Variants in C11orf58 observed in about 807,000 individuals in gnomAD.
C11orf58 encodes the protein small acidic protein.
Under a neutral mutation model 22.7 loss-of-function variants are expected in C11orf58, and 5 were observed. The observed-to-expected ratio is 0.22, with a 90% confidence interval of 0.12 to 0.46. The LOEUF (loss-of-function observed/expected upper bound fraction) is 0.46, where lower values mean the gene tolerates loss of function less well. C11orf58 is among the 20% of genes least tolerant of loss of function. C11orf58 has a pLI of 0.99. For missense variants in C11orf58, 151 were observed against 223.3 expected (o/e 0.68, Z 2.06); for synonymous variants, 71 against 70.7 (o/e 1.00, Z -0.02).
At chr11:16,754,759 T>C in intron 4 of C11orf58, 112 bp from the exon 5 acceptor site, 1 of 1,502,032 alleles carries the variant, frequency 6.7e-7, no homozygotes, top group Non-Finnish European at 8.9e-7. Flanking sequence ...AAGCTGTTGT[T>C]CTAATGGCTA....
At position 16,757,099 on chromosome 11, in the gene C11orf58, G is replaced by T. The variant is rs1052223190; in HGVS notation, c.*1995G>T. 6.7e-5 allele frequency among the ~76,000 whole-genome samples: 10 copies of T among 149,060 alleles called. No homozygotes were observed. The highest frequency in any genetic ancestry group is 3.4e-3 in the Middle Eastern group (1 of 292). On this transcript the variant is annotated 3_prime_UTR_variant, in exon 5 of 5. Coordinates refer to ENST00000228136, the MANE Select transcript of C11orf58 (RefSeq NM_014267.6). Reference sequence around the variant, plus strand: ...ATGCTATCCTCTATAGTAAAATATTGAATCACTTTATAGTAGACAATACAT... The same window carrying T: ...ATGCTATCCTCTATAGTAAAATATTTAATCACTTTATAGTAGACAATACAT...
chr11:16,752,780 T>C lies in C11orf58; in HGVS notation c.209-5T>C. On this transcript the variant is annotated splice_region_variant and splice_polypyrimidine_tract_variant and intron_variant, in intron 3 of 4. Coordinates refer to ENST00000228136, the MANE Select transcript of C11orf58 (RefSeq NM_014267.6). The stretch of plus-strand genomic sequence containing the variant: ...AAACATAACTAAAGTATCCTGGACA[T>C]GCAGGGGAAGAAGACAAGAAAATTA... 1 of 1,589,910 alleles carries C rather than the reference T, an allele frequency of 6.3e-7. No homozygotes were observed. The highest frequency in any genetic ancestry group is 8.6e-7 in the Non-Finnish European group (1 of 1,161,508).
Position 16,739,297 on chromosome 11 carries a change from A to G in C11orf58, c.63+456A>G, listed in dbSNP as rs576165502. On this transcript the variant is annotated intron_variant, in intron 1 of 4. Coordinates refer to ENST00000228136, the MANE Select transcript of C11orf58 (RefSeq NM_014267.6). ...GGATGATTTTTACAATGTGCTGTTG[A>G]GAGTTAACTTTAGCTGCACTAGTAA... is the stretch of plus-strand genomic sequence containing the variant. Among the ~76,000 whole-genome samples, 4 of 152,284 alleles carry G rather than the reference A, an allele frequency of 2.6e-5. No individual in the cohort carries two copies. The East Asian group carries it at 7.7e-4, about 29-fold the overall frequency.
chr11:16,756,574 G>GTGT lies in C11orf58; in HGVS notation c.*1473_*1475dup, dbSNP rs561226500. 2.6e-4 allele frequency among the ~76,000 whole-genome samples: 39 copies of GTGT among 151,380 alleles called. No homozygotes were observed. Among genetic ancestry groups the GTGT allele is most frequent in the African/African-American group, 8.9e-4 (37 of 41,362 alleles). ...GTGAGCCACCACGCCCAGCCTTGGA[G>GTGT]TGTTGGAATTTTTAAAAATTATTCT... is the stretch of plus-strand genomic sequence containing the variant. On this transcript the variant is annotated 3_prime_UTR_variant, in exon 5 of 5. Coordinates refer to ENST00000228136, the MANE Select transcript of C11orf58 (RefSeq NM_014267.6).
In C11orf58 at chr11:16,756,194, T is replaced by C. The variant is rs1322374772; in HGVS notation, c.*1090T>C. 3 of 152,154 alleles carry C rather than the reference T, an allele frequency of 2.0e-5. No individual in the cohort carries two copies. The highest frequency in any genetic ancestry group is 4.4e-5 in the Non-Finnish European group (3 of 68,026). The allele number at this position is 152,154 out of a possible 1,614,324, so 9.4% of individuals were successfully genotyped here. A position where few individuals can be genotyped will look rare whatever the true frequency, so the allele number is the denominator to read the frequency against. Reference sequence around the variant, plus strand: ...TTATAAGTAACAAGTTCAAAGGCTTTAGTCACACCTGTTTGTGAGCTGAGC... The same window carrying C: ...TTATAAGTAACAAGTTCAAAGGCTTCAGTCACACCTGTTTGTGAGCTGAGC... On this transcript the variant is annotated 3_prime_UTR_variant, in exon 5 of 5. Coordinates refer to ENST00000228136, the MANE Select transcript of C11orf58 (RefSeq NM_014267.6).
chr11:16,739,029 A>G (rs1383074129), intron 1 of C11orf58, among the ~76,000 whole-genome samples, 188 bp downstream of exon 1: 1 of 152,108 alleles, frequency 6.6e-6, no homozygotes, highest in African/African-American at 2.4e-5. Context: ...GAAGAGGCCC[A>G]CACGCTGAGA....
At position 16,756,000 on chromosome 11, in the gene C11orf58, GATTA is replaced by G. The variant is rs1483975127; in HGVS notation, c.*901_*904del. ...CATTTTATCCCAGTGCTATTTTATT[GATTA>G]ATTACTAAAAAGTATTACTTTCTAA... is the stretch of plus-strand genomic sequence containing the variant. On this transcript the variant is annotated 3_prime_UTR_variant, in exon 5 of 5. Coordinates refer to ENST00000228136, the MANE Select transcript of C11orf58 (RefSeq NM_014267.6). The G allele has an allele frequency of 6.6e-6, 1 of 152,470 alleles. No individual in the cohort carries two copies. Among genetic ancestry groups the G allele is most frequent in the Non-Finnish European group, 1.5e-5 (1 of 67,980 alleles). The allele number at this position is 152,470 out of a possible 1,614,324, so 9.4% of individuals were successfully genotyped here.
At position 16,753,230 on chromosome 11, in the gene C11orf58, A is replaced by T. The variant is rs188887669; in HGVS notation, c.318+336A>T. Among the ~76,000 whole-genome samples, 193 of 150,884 alleles carry T rather than the reference A, an allele frequency of 1.3e-3. 1 individual carries two copies. Among genetic ancestry groups the T allele is most frequent in the Middle Eastern group, 0.011 (3 of 282 alleles). ...GTAGCTGGGATTACAGGCGCCTGCC[A>T]TCACGCCCAGCCAATTTTTGTAGAG... On this transcript the variant is annotated intron_variant, in intron 4 of 4. Coordinates refer to ENST00000228136, the MANE Select transcript of C11orf58 (RefSeq NM_014267.6).
intron 2 of C11orf58, among the ~76,000 whole-genome samples, chr11:16,746,506 C>A (rs1196901134): frequency 6.6e-6 from 1 of 152,024 alleles, no homozygotes; most frequent in African/African-American, 2.4e-5. Context: ...TTTCCAAGAA[C>A]CTATCATTGA....
At chr11:16,747,041 G>A (rs148539102) in intron 2 of C11orf58, 110 of 152,190 alleles carry the variant, frequency 7.2e-4, no homozygotes, top group African/African-American at 2.5e-3. Context: ...AATCCTAGCC[G>A]GCTATCATGA....
intron 1 of C11orf58, among the ~76,000 whole-genome samples, chr11:16,741,213 T>C (rs748290396): frequency 5.3e-5 from 8 of 152,116 alleles, no homozygotes; most frequent in Non-Finnish European, 8.8e-5. Context: ...TCACATCTAA[T>C]TGAGGTAACA....
intron 4 of C11orf58, among the ~76,000 whole-genome samples, chr11:16,754,291 G>A (rs1297252411): frequency 6.6e-6 from 1 of 151,722 alleles, no homozygotes; most frequent in Non-Finnish European, 1.5e-5. Context: ...ACTAGGGGAG[G>A]GGAGATAGGT....
At position 16,756,751 on chromosome 11, in the gene C11orf58, A is replaced by T. The variant is rs1359468128; in HGVS notation, c.*1647A>T. 7 of 151,764 alleles carry T rather than the reference A, an allele frequency of 4.6e-5. No homozygotes were observed. In the East Asian group the frequency reaches 1.4e-3, roughly 30 times the overall value. 9.4% of individuals were successfully genotyped at this position (151,764 alleles called of 1,614,324 possible). ...TGGAGAAACCCCATCTCTACTAAAA[A>T]TACAAAATTAGCTGGGCGTGGTGGT... On this transcript the variant is annotated 3_prime_UTR_variant, in exon 5 of 5. Transcript: ENST00000228136.
At position 16,744,576 on chromosome 11, in the gene C11orf58, T is replaced by A. The variant is rs200916892; in HGVS notation, c.64-25T>A. The A allele has an allele frequency of 3.1e-5, 49 of 1,603,966 alleles. No individual in the cohort carries two copies. In the East Asian group the frequency reaches 5.1e-4, roughly 17 times the overall value. On this transcript the variant is annotated intron_variant, in intron 1 of 4. Transcript: ENST00000228136. ...AATACTTATTTTTATGCAAAAAAAA[T>A]TTAATCAACCAATTTTTTTTCTAGC...
chr11:16,750,878 G>A (rs1387379613), intron 3 of C11orf58: 1 of 152,238 alleles, frequency 6.6e-6, no homozygotes, highest in Non-Finnish European at 1.5e-5. Context: ...AGGTCAAAGA[G>A]CTTGCTTCTG....
chr11:16,744,451 A>G lies in C11orf58; in HGVS notation c.64-150A>G, dbSNP rs1173836674. On this transcript the variant is annotated intron_variant, in intron 1 of 4. Coordinates refer to ENST00000228136, the MANE Select transcript of C11orf58 (RefSeq NM_014267.6). Reference sequence around the variant, plus strand: ...AAAAGGAGTAAATTTGAATGTGATGAATATGCTTAACTTCCTAAGCAAGAA... The same window carrying G: ...AAAAGGAGTAAATTTGAATGTGATGGATATGCTTAACTTCCTAAGCAAGAA... The G allele has an allele frequency of 8.1e-6, 5 of 618,966 alleles. No individual in the cohort carries two copies. In the Admixed American group the frequency reaches 1.4e-4, roughly 18 times the overall value. 38.3% of individuals were successfully genotyped at this position (618,966 alleles called of 1,614,324 possible).
chr11:16,754,761 T>C (rs1848562048), intron 4 of C11orf58, 110 bp from the exon 5 acceptor site: 1 of 1,506,816 alleles, frequency 6.6e-7, no homozygotes, highest in South Asian at 1.4e-5. Context: ...GCTGTTGTTC[T>C]AATGGCTACA....
At chr11:16,753,569 C>T (rs922001419) in intron 4 of C11orf58, among the ~76,000 whole-genome samples, 6 of 151,822 alleles carry the variant, frequency 4.0e-5, no homozygotes, top group African/African-American at 1.5e-4. Flanking sequence ...CACCATGTTG[C>T]CCAGGCTGGC....
At position 16,743,028 on chromosome 11, in the gene C11orf58, C is replaced by G. The variant is rs542896889; in HGVS notation, c.64-1573C>G. Among the ~76,000 whole-genome samples, 7 of 152,228 alleles carry G rather than the reference C, an allele frequency of 4.6e-5. No homozygotes were observed. In the South Asian group the frequency reaches 1.2e-3, roughly 27 times the overall value. ...GGACCCTTGAAGTTCAAACCTGTCT[C>G]GGATTTGCATCATCAAAATACAATA... On this transcript the variant is annotated intron_variant, in intron 1 of 4. Transcript: ENST00000228136.
Sources: allele counts gnomAD v4.1 joint callset (sites outside exome capture counted in the v4.1 genomes callset), GRCh38; gene constraint gnomAD v4.1.1; transcripts MANE v1.5; gene names NCBI Gene and HGNC (gene_info 2026-07-23, HGNC 2026-07-21).